WDPCP: variants seen among roughly 807,000 people sequenced by gnomAD.
WDPCP encodes WD repeat-containing and planar cell polarity effector protein fritz homolog.
A neutral mutation model predicts 93.1 loss-of-function variants in WDPCP; 71 were observed. The ratio of observed to expected loss-of-function variants is 0.76; its 90% CI spans 0.63 to 0.93. The LOEUF is 0.93. Among genes scored for constraint, WDPCP ranks in the 40% least tolerant of loss-of-function variants. The pLI is 0.00. For missense variants in WDPCP, 844 were observed against 887.4 expected (o/e 0.95, Z 0.62); for synonymous variants, 315 against 315.0 (o/e 1.00, Z 0.00).
intron 1 of WDPCP, among the ~76,000 whole-genome samples, chr2:63,546,128 G>A (rs1201043556): frequency 6.6e-6 from 1 of 152,162 alleles, no homozygotes; most frequent in Non-Finnish European, 1.5e-5. Flanking sequence ...TGAGAGCCAC[G>A]CTTGGGAGGG....
chr2:63,194,787 T>G (rs548209626), intron 14 of WDPCP, among the ~76,000 whole-genome samples: 1 of 152,282 alleles, frequency 6.6e-6, no homozygotes, highest in East Asian at 1.9e-4. Context: ...AAAGTAGATA[T>G]TTGAACCAGT....
intron 14 of WDPCP, among the ~76,000 whole-genome samples, chr2:63,247,210 G>A (rs551278379): frequency 2.0e-5 from 3 of 152,280 alleles, no homozygotes; most frequent in Non-Finnish European, 2.9e-5. Flanking sequence ...AATGCCCTAT[G>A]CAGTAATCTT....
intron 9 of WDPCP, 93 bp downstream of exon 9, chr2:63,433,652 T>C: frequency 8.0e-7 from 1 of 1,255,196 alleles, no homozygotes; most frequent in Non-Finnish European, 1.1e-6. Context: ...AAATTATAGG[T>C]AAAAAATATT....
intron 2 of WDPCP, among the ~76,000 whole-genome samples, chr2:63,664,565 G>A (rs1710263277): frequency 6.6e-6 from 1 of 152,132 alleles, no homozygotes; most frequent in South Asian, 2.1e-4. Flanking sequence ...TTGCATCATA[G>A]CTGCAAGTGA....
chr2:63,358,613 CA>C (rs1340170801), intron 12 of WDPCP, among the ~76,000 whole-genome samples: 4 of 152,146 alleles, frequency 2.6e-5, no homozygotes, highest in Non-Finnish European at 5.9e-5. Context: ...TGCACCATCA[CA>C]CCTGGCTAAT....
chr2:63,605,668 G>C (rs1709513917), intron 3 of WDPCP: 1 of 586,014 alleles, frequency 1.7e-6, no homozygotes, highest in African/African-American at 1.9e-5. Context: ...CATAGTAGGG[G>C]TGAATTTTTT....
chr2:63,777,525 T>C (rs1471333899), intron 2 of WDPCP, among the ~76,000 whole-genome samples: 3 of 152,176 alleles, frequency 2.0e-5, no homozygotes, highest in Admixed American at 1.3e-4. Flanking sequence ...CAAATGTCTA[T>C]CTGCAGGTGA....
chr2:63,628,878 G>A (rs1709837666), intron 3 of WDPCP, among the ~76,000 whole-genome samples: 2 of 152,178 alleles, frequency 1.3e-5, no homozygotes, highest in Non-Finnish European at 2.9e-5. Context: ...AACCAACTTG[G>A]AGCTGGAATG....
intron 12 of WDPCP, among the ~76,000 whole-genome samples, chr2:63,363,180 T>C (rs1449747930): frequency 6.6e-6 from 1 of 152,152 alleles, no homozygotes. Flanking sequence ...CACTTCCACT[T>C]TGCAATACCC....
intron 1 of WDPCP, among the ~76,000 whole-genome samples, chr2:63,537,337 A>G (rs1704365966): frequency 1.3e-5 from 2 of 152,198 alleles, no homozygotes; most frequent in African/African-American, 2.4e-5. Context: ...TAACTCAGAA[A>G]GTTTGTATCC....
At chr2:63,263,119 G>A (rs961046739) in intron 13 of WDPCP, among the ~76,000 whole-genome samples, 1 of 152,088 alleles carries the variant, frequency 6.6e-6, no homozygotes, top group Non-Finnish European at 1.5e-5. Context: ...GTCTGACAGA[G>A]TTAATTAAGC....
intron 15 of WDPCP, among the ~76,000 whole-genome samples, chr2:63,160,927 C>A (rs1446398262): frequency 1.3e-5 from 2 of 152,098 alleles, no homozygotes; most frequent in African/African-American, 4.8e-5. Flanking sequence ...ACTTGGGACA[C>A]AAAGCAACAA....
chr2:63,291,399 C>G (rs1478350987), intron 13 of WDPCP, among the ~76,000 whole-genome samples: 1 of 152,148 alleles, frequency 6.6e-6, no homozygotes, highest in Non-Finnish European at 1.5e-5. Context: ...TTTGTATGTG[C>G]TACACAGACT....
chr2:63,158,129 C>T (rs1672386023), intron 15 of WDPCP, among the ~76,000 whole-genome samples: 2 of 151,834 alleles, frequency 1.3e-5, no homozygotes, highest in Admixed American at 6.6e-5. Flanking sequence ...AGAATTTTCT[C>T]TATTTCTTTC....
intron 2 of WDPCP, among the ~76,000 whole-genome samples, chr2:63,736,952 A>T (rs1031706404): frequency 2.0e-5 from 3 of 152,124 alleles, no homozygotes; most frequent in African/African-American, 7.2e-5. Context: ...GCTGCCAAAG[A>T]CAAAGAAAAA....
chr2:63,553,859 T>G (rs763076184), intron 1 of WDPCP, among the ~76,000 whole-genome samples: 17 of 152,212 alleles, frequency 1.1e-4, no homozygotes, highest in Admixed American at 3.9e-4. Context: ...CATTCTCTTA[T>G]ACACACAAAC....
At chr2:63,240,278 A>C (rs916678911) in intron 14 of WDPCP, among the ~76,000 whole-genome samples, 2 of 152,070 alleles carry the variant, frequency 1.3e-5, no homozygotes, top group Admixed American at 6.6e-5. Flanking sequence ...TCTTGGCCCA[A>C]GTGATCCTCC....
chr2:63,216,866 C>T (rs367950045), intron 14 of WDPCP, among the ~76,000 whole-genome samples: 3 of 151,988 alleles, frequency 2.0e-5, no homozygotes, highest in Non-Finnish European at 4.4e-5. Context: ...CTACTAAGGA[C>T]TACTATAATG....
At chr2:63,761,398 T>C (rs1021932929) in intron 2 of WDPCP, among the ~76,000 whole-genome samples, 1 of 152,202 alleles carries the variant, frequency 6.6e-6, no homozygotes, top group African/African-American at 2.4e-5. Context: ...TTTGGCATCC[T>C]GTTATAGCAA....
Sources: allele counts gnomAD v4.1 joint callset (sites outside exome capture counted in the v4.1 genomes callset), GRCh38; gene constraint gnomAD v4.1.1; transcripts MANE v1.5; gene names NCBI Gene and HGNC (gene_info 2026-07-23, HGNC 2026-07-21).